Variants in CCDC122 observed in about 807,000 individuals in gnomAD.
CCDC122 encodes the protein coiled-coil domain containing 122.
Under a neutral mutation model 37.0 loss-of-function variants are expected in CCDC122, and 38 were observed. The observed-to-expected ratio is 1.03, with a 90% CI of 0.79 to 1.35. The LOEUF is 1.35. Ranked by LOEUF, CCDC122 falls within the 40% of genes most tolerant of loss-of-function variation. The probability of loss-of-function intolerance (pLI) is 0.00; values close to 1 mark genes in which losing one functional copy is unlikely to be tolerated. For synonymous variants in CCDC122, 83 were observed against 95.6 expected (o/e 0.87, Z 0.77); for missense variants, 305 against 310.0 (o/e 0.98, Z 0.12).
Position 43,838,721 on chromosome 13 carries a change from T to C in CCDC122, c.673-1292A>G, listed in dbSNP as rs550700925. On this transcript the variant is annotated intron_variant, in intron 6 of 6. Coordinates refer to ENST00000444614, the MANE Select transcript of CCDC122 (RefSeq NM_144974.5). ...ATGGAGACAGTGCAGGAGCAAGAGT[T>C]AGCTGGCTGGCTTTCTGAGGGCAGG... Among the ~76,000 whole-genome samples, 9 of 152,298 alleles carry C rather than the reference T, an allele frequency of 5.9e-5. 1 individual carries two copies. The South Asian group carries it at 1.9e-3, about 32-fold the overall frequency.
intron 4 of CCDC122, 84 bp from the exon 5 acceptor site, chr13:43,860,154 T>C (rs948340105): frequency 9.7e-6 from 6 of 618,170 alleles, no homozygotes; most frequent in African/African-American, 5.8e-5. Flanking sequence ...ATAATGAATA[T>C]AGGAAAAATC....
intron 4 of CCDC122, among the ~76,000 whole-genome samples, chr13:43,867,927 G>A (rs1235723840): frequency 6.6e-6 from 1 of 151,954 alleles, no homozygotes; most frequent in Admixed American, 6.6e-5. Flanking sequence ...ATGTCAAATA[G>A]GGCCCTACCA....
chr13:43,830,027 C>A (rs1179684453), intron 3 of CCDC122, among the ~76,000 whole-genome samples: 1 of 152,026 alleles, frequency 6.6e-6, no homozygotes, highest in African/African-American at 2.4e-5. Flanking sequence ...AGGGACGCAT[C>A]ACCACGCCCA....
At chr13:43,826,593 C>T (rs753657200) in intron 3 of CCDC122, among the ~76,000 whole-genome samples, 38 of 152,046 alleles carry the variant, frequency 2.5e-4, no homozygotes, top group Non-Finnish European at 4.3e-4. Flanking sequence ...GCCTAATAAG[C>T]GTGGTTAAGA....
chr13:43,827,298 A>G (rs925733491), intron 3 of CCDC122, among the ~76,000 whole-genome samples: 2 of 152,220 alleles, frequency 1.3e-5, no homozygotes, highest in Non-Finnish European at 2.9e-5. Flanking sequence ...ATACAAGTAG[A>G]TTTTGGAAAT....
intron 2 of CCDC122, among the ~76,000 whole-genome samples, chr13:43,872,183 C>G (rs765370560): frequency 6.6e-6 from 1 of 151,934 alleles, no homozygotes; most frequent in Non-Finnish European, 1.5e-5. Context: ...CGCAAGACTT[C>G]CAATCCATCG....
intron 1 of CCDC122, among the ~76,000 whole-genome samples, chr13:43,875,507 G>A (rs942792754): frequency 1.3e-5 from 2 of 152,156 alleles, no homozygotes; most frequent in Non-Finnish European, 2.9e-5. Flanking sequence ...ACAATGGCCA[G>A]ACCATATGTA....
chr13:43,841,523 T>C (rs1325455068), intron 6 of CCDC122, among the ~76,000 whole-genome samples: 1 of 152,358 alleles, frequency 6.6e-6, no homozygotes, highest in East Asian at 1.9e-4. Context: ...CACGTGTTTA[T>C]TGGTCATACT....
At chr13:43,860,275 A>G (rs1016193842) in intron 4 of CCDC122, among the ~76,000 whole-genome samples, 1 of 152,176 alleles carries the variant, frequency 6.6e-6, no homozygotes, top group East Asian at 1.9e-4. Flanking sequence ...ATATTTTTTA[A>G]TGTTCATCTA....
At chr13:43,840,120 T>A (rs976464868) in intron 6 of CCDC122, among the ~76,000 whole-genome samples, 1 of 152,076 alleles carries the variant, frequency 6.6e-6, no homozygotes, top group Non-Finnish European at 1.5e-5. Flanking sequence ...CTAAGTTAGG[T>A]TTTCCATCTT....
intron 1 of CCDC122, among the ~76,000 whole-genome samples, chr13:43,876,329 G>A (rs1162113318): frequency 6.6e-6 from 1 of 152,128 alleles, no homozygotes; most frequent in African/African-American, 2.4e-5. Flanking sequence ...CAACTGTTTT[G>A]TTCTTTAAAA....
At chr13:43,846,731 G>C (rs1200889665) in intron 6 of CCDC122, among the ~76,000 whole-genome samples, 1 of 152,100 alleles carries the variant, frequency 6.6e-6, no homozygotes. Flanking sequence ...TTTCCCAACT[G>C]TGCTCCTTGG....
At chr13:43,853,408 T>A (rs532667984) in intron 6 of CCDC122, among the ~76,000 whole-genome samples, 1 of 152,174 alleles carries the variant, frequency 6.6e-6, no homozygotes, top group Non-Finnish European at 1.5e-5. Flanking sequence ...CATTACATAA[T>A]GGTAAAGGAT....
At chr13:43,828,897 CA>C (rs934182014) in intron 3 of CCDC122, among the ~76,000 whole-genome samples, 2 of 152,116 alleles carry the variant, frequency 1.3e-5, no homozygotes, top group African/African-American at 4.8e-5. Context: ...ATATAAGCTA[CA>C]AATTTTGAGG....
chr13:43,861,090 G>A (rs1422906710), intron 4 of CCDC122, among the ~76,000 whole-genome samples: 1 of 152,182 alleles, frequency 6.6e-6, no homozygotes, highest in East Asian at 1.9e-4. Flanking sequence ...ATCTGCCCAA[G>A]TGTCTGGGGA....
chr13:43,826,831 AC>A (rs1428967422), intron 3 of CCDC122, among the ~76,000 whole-genome samples: 80 of 152,340 alleles, frequency 5.3e-4, no homozygotes, highest in African/African-American at 1.9e-3. Context: ...ATTGGAAAAA[AC>A]TATACTAGAA....
intron 6 of CCDC122, among the ~76,000 whole-genome samples, chr13:43,850,294 C>T (rs563578358): frequency 3.9e-5 from 6 of 152,132 alleles, no homozygotes; most frequent in African/African-American, 1.4e-4. Context: ...GCTCATAACA[C>T]CAAAAAATAA....
At chr13:43,843,982 T>C (rs546820407) in intron 6 of CCDC122, among the ~76,000 whole-genome samples, 2 of 151,992 alleles carry the variant, frequency 1.3e-5, no homozygotes. Context: ...TCGATTTTAT[T>C]ACTCTTTTAA....
At chr13:43,828,341 T>C (rs910157186) in intron 3 of CCDC122, among the ~76,000 whole-genome samples, 3 of 152,172 alleles carry the variant, frequency 2.0e-5, no homozygotes, top group African/African-American at 4.8e-5. Flanking sequence ...GAGAATAAAA[T>C]AGGAATGTTT....
Sources: allele counts gnomAD v4.1 joint callset (sites outside exome capture counted in the v4.1 genomes callset), GRCh38; gene constraint gnomAD v4.1.1; transcripts MANE v1.5; gene names NCBI Gene and HGNC (gene_info 2026-07-23, HGNC 2026-07-21).